The following ENTREP2 variants were observed in gnomAD, a reference collection of about 807,000 sequenced individuals.
ENTREP2 encodes endosomal transmembrane epsin interactor 2, also known as protein ENTREP2.
At chr15:29,256,365 A>C in the ENTREP2 span, among the ~76,000 whole-genome samples, 4 of 152,148 alleles carry the variant, frequency 2.6e-5, no homozygotes, top group Admixed American at 2.6e-4. Flanking sequence ...TAACAAAAAA[A>C]CCGCAAACAA....
chr15:29,468,776 G>A, the ENTREP2 span, among the ~76,000 whole-genome samples: 3 of 152,100 alleles, frequency 2.0e-5, no homozygotes, highest in Admixed American at 6.5e-5. Flanking sequence ...CTAATCATTA[G>A]CCAACACATA....
At chr15:29,564,706 T>G in the ENTREP2 span, among the ~76,000 whole-genome samples, 1 of 152,178 alleles carries the variant, frequency 6.6e-6, no homozygotes, top group Non-Finnish European at 1.5e-5. Flanking sequence ...TTCCACCACC[T>G]GTCAATAGTT....
At chr15:29,391,838 G>T in the ENTREP2 span, among the ~76,000 whole-genome samples, 2 of 152,138 alleles carry the variant, frequency 1.3e-5, no homozygotes, top group Admixed American at 1.3e-4. Flanking sequence ...TGCTGTTGTT[G>T]TTTTGAGACA....
chr15:29,569,093 T>C, the ENTREP2 span, among the ~76,000 whole-genome samples: 1 of 152,194 alleles, frequency 6.6e-6, no homozygotes, highest in Non-Finnish European at 1.5e-5. Flanking sequence ...TGGTAAAAAC[T>C]GAGCAATAGA....
chr15:29,128,645 A>G, the ENTREP2 span: 1 of 722,762 alleles, frequency 1.4e-6, no homozygotes, highest in Non-Finnish European at 2.5e-6. Flanking sequence ...AGACTGCTGC[A>G]AACTCCACCC....
chr15:29,563,170 C>A, the ENTREP2 span, among the ~76,000 whole-genome samples: 3 of 152,140 alleles, frequency 2.0e-5, no homozygotes, highest in South Asian at 2.1e-4. Context: ...TGATTTTTCC[C>A]AGTTACACAA....
At chr15:29,201,670 T>C in the ENTREP2 span, among the ~76,000 whole-genome samples, 1 of 152,214 alleles carries the variant, frequency 6.6e-6, no homozygotes, top group Non-Finnish European at 1.5e-5. Context: ...TTGAATTTTA[T>C]TCGTTATTAT....
the ENTREP2 span, among the ~76,000 whole-genome samples, chr15:29,627,475 G>A: frequency 1.2e-4 from 18 of 151,322 alleles, no homozygotes; most frequent in Admixed American, 3.3e-4. Flanking sequence ...CCTGAGAGGC[G>A]GAGGTTGCAG....
the ENTREP2 span, among the ~76,000 whole-genome samples, chr15:29,468,525 G>T: frequency 0.06 from 9,069 of 150,552 alleles, 330 homozygotes; most frequent in Non-Finnish European, 0.073. Context: ...CAGGCGAATC[G>T]CTTGAACCCA....
chr15:29,269,103 A>G, the ENTREP2 span: 8 of 1,614,048 alleles, frequency 5.0e-6, no homozygotes, highest in South Asian at 3.3e-5. Flanking sequence ...AGCGCCGCAG[A>G]AAGTCCCAGG....
chr15:29,129,489 T>G, the ENTREP2 span, among the ~76,000 whole-genome samples: 2 of 152,120 alleles, frequency 1.3e-5, no homozygotes, highest in African/African-American at 4.8e-5. Flanking sequence ...TTTTCTTTAT[T>G]TATACATTTT....
the ENTREP2 span, among the ~76,000 whole-genome samples, chr15:29,355,517 A>C: frequency 1.3e-5 from 2 of 148,866 alleles, no homozygotes; most frequent in Non-Finnish European, 3.0e-5. Context: ...AAAAAAAAAA[A>C]CCTCACACTT....
the ENTREP2 span, among the ~76,000 whole-genome samples, chr15:29,503,813 T>G: frequency 6.6e-6 from 1 of 152,214 alleles, no homozygotes; most frequent in African/African-American, 2.4e-5. Flanking sequence ...CTCAACTGTG[T>G]GGTATATTTC....
the ENTREP2 span, among the ~76,000 whole-genome samples, chr15:29,390,845 C>T: frequency 6.6e-6 from 1 of 152,194 alleles, no homozygotes; most frequent in African/African-American, 2.4e-5. Flanking sequence ...GTCTTGAAAG[C>T]CAAGTAAATT....
At chr15:29,362,981 G>GT in the ENTREP2 span, among the ~76,000 whole-genome samples, 1 of 152,026 alleles carries the variant, frequency 6.6e-6, no homozygotes, top group East Asian at 1.9e-4. Context: ...TAAAAGAAGC[G>GT]TATTAGTCCA....
At chr15:29,563,372 C>T in the ENTREP2 span, among the ~76,000 whole-genome samples, 2 of 151,886 alleles carry the variant, frequency 1.3e-5, no homozygotes, top group African/African-American at 4.8e-5. Flanking sequence ...TCCTTTTCAC[C>T]CTCTATTTTT....
the ENTREP2 span, among the ~76,000 whole-genome samples, chr15:29,493,125 C>CTTT: frequency 9.0e-4 from 76 of 84,776 alleles, 14 homozygotes; most frequent in African/African-American, 1.4e-3. Context: ...CCTGACAACC[C>CTTT]TTTTTTTTTT....
the ENTREP2 span, among the ~76,000 whole-genome samples, chr15:29,646,783 T>C: frequency 6.6e-6 from 1 of 152,166 alleles, no homozygotes; most frequent in East Asian, 1.9e-4. Context: ...GGACATGGCC[T>C]ACCATATCTA....
At chr15:29,196,691 A>T in the ENTREP2 span, 1 of 1,021,940 alleles carries the variant, frequency 9.8e-7, no homozygotes, top group South Asian at 2.3e-5. Flanking sequence ...CAGTGTGTTT[A>T]AGTAGTACAG....
Sources: gnomAD v4.1 joint callset for allele counts (sites outside exome capture counted in the v4.1 genomes callset) on GRCh38, gnomAD v4.1.1 for gene constraint, MANE v1.5 for transcripts, NCBI Gene and HGNC (gene_info 2026-07-23, HGNC 2026-07-21) for gene names.